Variants in ARHGEF4 observed in about 807,000 individuals in gnomAD.
ARHGEF4 encodes the protein Rho guanine nucleotide exchange factor 4.
Under a neutral mutation model 162.0 loss-of-function variants are expected in ARHGEF4, and 119 were observed. The observed-to-expected ratio is 0.73, with a 90% CI of 0.63 to 0.86. ARHGEF4 has a LOEUF of 0.86. ARHGEF4 is among the 40% of genes least tolerant of loss of function. ARHGEF4 has a pLI of 0.00. For missense variants in ARHGEF4, 2,488 were observed against 2,456.0 expected (o/e 1.01, Z -0.28); for synonymous variants, 1,014 against 979.9 (o/e 1.03, Z -0.65).
At chr2:130,873,285 C>A (rs1220056726) in intron 1 of ARHGEF4, among the ~76,000 whole-genome samples, 1 of 152,164 alleles carries the variant, frequency 6.6e-6, no homozygotes, top group Non-Finnish European at 1.5e-5. Context: ...AGCATTACTC[C>A]CATCTTATGA....
At chr2:131,007,849 T>TC (rs1317745202) in intron 4 of ARHGEF4, among the ~76,000 whole-genome samples, 16 of 129,098 alleles carry the variant, frequency 1.2e-4, no homozygotes, top group Non-Finnish European at 1.8e-4. Flanking sequence ...TCTCGCCCTA[T>TC]CCCCCGGGCT....
chr2:131,005,270 C>T (rs1311166768), intron 4 of ARHGEF4, among the ~76,000 whole-genome samples: 1 of 152,174 alleles, frequency 6.6e-6, no homozygotes, highest in Non-Finnish European at 1.5e-5. Context: ...ACAGCAGCAG[C>T]CTGAAGAGGG....
At chr2:130,878,212 T>C (rs1004186726) in intron 1 of ARHGEF4, among the ~76,000 whole-genome samples, 7 of 152,226 alleles carry the variant, frequency 4.6e-5, no homozygotes, top group African/African-American at 1.7e-4. Flanking sequence ...TTACAACCCA[T>C]TCAAAACACA....
chr2:130,969,270 A>T (rs1461514846), intron 4 of ARHGEF4, among the ~76,000 whole-genome samples: 2 of 152,110 alleles, frequency 1.3e-5, no homozygotes, highest in East Asian at 3.8e-4. Context: ...GTTTTTACTG[A>T]TATGTACCAC....
At chr2:130,880,692 A>T (rs1191545386) in intron 1 of ARHGEF4, among the ~76,000 whole-genome samples, 1 of 152,146 alleles carries the variant, frequency 6.6e-6, no homozygotes, top group Non-Finnish European at 1.5e-5. Flanking sequence ...GTGCCACTGC[A>T]TCCAGCTAAT....
At chr2:130,926,012 C>CTTTCTT (rs60718279) in intron 2 of ARHGEF4, among the ~76,000 whole-genome samples, 1 of 110,362 alleles carries the variant, frequency 9.1e-6, no homozygotes, top group Non-Finnish European at 1.9e-5. Flanking sequence ...GTTTGGTTTT[C>CTTTCTT]TCTCTTTCTT....
rs182952094 is a variant in ARHGEF4 at position 130,987,319 on chromosome 2, C to G, written c.3986-40626C>G. ...GGTCCTGGTGTGTCTGGAGTTGGTTCCCGCCCGGTGGGTTTGTGGTCTTGC... is the reference window on the plus strand; with the variant it reads ...GGTCCTGGTGTGTCTGGAGTTGGTTGCCGCCCGGTGGGTTTGTGGTCTTGC... On this transcript the variant is annotated intron_variant, in intron 4 of 13. Transcript: ENST00000409359. Among the ~76,000 whole-genome samples, 463 of 152,286 alleles carry G rather than the reference C, an allele frequency of 3.0e-3. 3 individuals carry two copies. The highest frequency in any genetic ancestry group is 0.011 in the African/African-American group (449 of 41,554).
chr2:131,046,353 GTCT>G lies in ARHGEF4; in HGVS notation c.*166_*168del. 1.4e-6 allele frequency: 1 copy of G among 726,292 alleles called. No individual in the cohort carries two copies. Among genetic ancestry groups the G allele is most frequent in the East Asian group, 2.8e-5 (1 of 36,254 alleles). The allele number at this position is 726,292 out of a possible 1,614,324, so 45.0% of individuals were successfully genotyped here. A position where few individuals can be genotyped will look rare whatever the true frequency, so the allele number is the denominator to read the frequency against. On this transcript the variant is annotated 3_prime_UTR_variant, in exon 14 of 14. Coordinates refer to ENST00000409359, the MANE Select transcript of ARHGEF4 (RefSeq NM_001367493.1). ...GACGTGCCAGGTCTGTACTCCTGTT[GTCT>G]TTTTCCCTGCTCCTGGTGCCCTGAA...
chr2:130,996,740 C>T (rs773163393), intron 4 of ARHGEF4, among the ~76,000 whole-genome samples: 24 of 152,242 alleles, frequency 1.6e-4, no homozygotes, highest in African/African-American at 2.4e-4. Flanking sequence ...TCAGAGTGTG[C>T]GCACCAGTAT....
At chr2:131,001,998 A>C (rs1051341755) in intron 4 of ARHGEF4, among the ~76,000 whole-genome samples, 2 of 152,160 alleles carry the variant, frequency 1.3e-5, no homozygotes, top group Non-Finnish European at 2.9e-5. Context: ...GCATTTGTTT[A>C]ATCTCTGGGA....
At chr2:130,960,706 C>T (rs559439891) in intron 4 of ARHGEF4, among the ~76,000 whole-genome samples, 36 of 152,192 alleles carry the variant, frequency 2.4e-4, no homozygotes, top group African/African-American at 7.7e-4. Context: ...TTTATGGGGA[C>T]GGAATCTTCC....
intron 4 of ARHGEF4, among the ~76,000 whole-genome samples, chr2:131,022,253 A>G (rs1481926648): frequency 6.6e-6 from 1 of 152,136 alleles, no homozygotes; most frequent in Non-Finnish European, 1.5e-5. Context: ...ATTTGGTAGA[A>G]TTCACTACCA....
chr2:131,020,175 ATTCTTT>A (rs1387868622), intron 4 of ARHGEF4, among the ~76,000 whole-genome samples: 3 of 152,068 alleles, frequency 2.0e-5, no homozygotes, highest in African/African-American at 4.8e-5. Flanking sequence ...GATGTCCTTT[ATTCTTT>A]TTCTTTATTT....
chr2:130,918,609 G>T (rs547820368), intron 2 of ARHGEF4, among the ~76,000 whole-genome samples: 1 of 152,338 alleles, frequency 6.6e-6, no homozygotes, highest in South Asian at 2.1e-4. Context: ...GGGCTGCGCA[G>T]CTGGGAGGGC....
chr2:130,944,083 GA>G (rs1683467889), intron 3 of ARHGEF4, among the ~76,000 whole-genome samples: 1 of 152,178 alleles, frequency 6.6e-6, no homozygotes, highest in African/African-American at 2.4e-5. Context: ...GGTTGACAGT[GA>G]TTTAGCACTT....
intron 2 of ARHGEF4, among the ~76,000 whole-genome samples, chr2:130,919,650 C>A (rs143135755): frequency 6.6e-6 from 1 of 151,990 alleles, no homozygotes; most frequent in Non-Finnish European, 1.5e-5. Context: ...CCGAAGCGGG[C>A]GGATCACCTG....
intron 4 of ARHGEF4, among the ~76,000 whole-genome samples, chr2:131,003,550 A>G (rs1453441090): frequency 1.3e-5 from 2 of 152,232 alleles, no homozygotes; most frequent in African/African-American, 4.8e-5. Context: ...GCCTGTGGAC[A>G]GGTGGGTGAA....
intron 5 of ARHGEF4, among the ~76,000 whole-genome samples, chr2:131,028,506 G>A (rs1209860790): frequency 1.3e-5 from 2 of 152,210 alleles, no homozygotes; most frequent in African/African-American, 2.4e-5. Flanking sequence ...TTTCTCTCCT[G>A]ACAACAGGAG....
chr2:130,836,917 G>A lies in ARHGEF4; in HGVS notation c.-37G>A. 2 of 1,221,446 alleles carry A rather than the reference G, an allele frequency of 1.6e-6. No individual in the cohort carries two copies. The highest frequency in any genetic ancestry group is 2.0e-6 in the Non-Finnish European group (2 of 981,298). 75.7% of individuals were successfully genotyped at this position (1,221,446 alleles called of 1,614,324 possible). ...AGCCGGCTCGGCGGCGCGGCTCGTA[G>A]TGCTGCGGCCGGGCTCCGGGCGTCC... On this transcript the variant is annotated 5_prime_UTR_variant, in exon 1 of 14. In the 5' UTR this introduces an upstream ATG that the reference lacks. Transcript: ENST00000409359.
Sources: allele counts gnomAD v4.1 joint callset (sites outside exome capture counted in the v4.1 genomes callset), GRCh38; gene constraint gnomAD v4.1.1; transcripts MANE v1.5; gene names NCBI Gene and HGNC (gene_info 2026-07-23, HGNC 2026-07-21).